DNAH7: variants seen among roughly 807,000 people sequenced by gnomAD.
The protein encoded by DNAH7 is dynein axonemal heavy chain 7, also known as axonemal beta dynein heavy chain 7.
DNAH7 carries 397 observed loss-of-function variants against 444.6 expected under a neutral mutation model. The ratio of observed to expected loss-of-function variants is 0.89; its 90% CI spans 0.82 to 0.97. DNAH7 has a LOEUF of 0.97. DNAH7 is among the 50% of genes least tolerant of loss of function. The probability of loss-of-function intolerance (pLI) is 0.00; values close to 1 mark genes in which losing one functional copy is unlikely to be tolerated. For synonymous variants in DNAH7, 1,636 were observed against 1,624.4 expected, an observed-to-expected ratio of 1.01 and a Z score of -0.17; for missense variants, 4,902 against 4,800.8, an observed-to-expected ratio of 1.02 and a Z score of -0.62.
chr2:195,753,468 A>G (rs1299070038), intron 63 of DNAH7, among the ~76,000 whole-genome samples: 1 of 152,234 alleles, frequency 6.6e-6, no homozygotes, highest in African/African-American at 2.4e-5. Context: ...CCACCACAGT[A>G]TAAATTAGTT....
intron 20 of DNAH7, among the ~76,000 whole-genome samples, chr2:195,935,367 A>G (rs1489800): frequency 0.3 from 45,371 of 152,076 alleles, 9,495 homozygotes; most frequent in African/African-American, 0.59. Flanking sequence ...TTTCAAATGG[A>G]CAAAAAGAAG....
intron 63 of DNAH7, among the ~76,000 whole-genome samples, chr2:195,751,941 G>A (rs764804071): frequency 3.1e-4 from 47 of 152,132 alleles, no homozygotes; most frequent in Non-Finnish European, 4.6e-4. Flanking sequence ...TGACAGTAGG[G>A]AGACAGGATA....
chr2:195,991,456 A>G (rs1574967231), intron 12 of DNAH7, among the ~76,000 whole-genome samples: 1 of 152,366 alleles, frequency 6.6e-6, no homozygotes, highest in East Asian at 1.9e-4. Flanking sequence ...AAAAGTGAAA[A>G]CAAGAACCAC....
chr2:195,923,838 C>A (rs1289694410), intron 22 of DNAH7, 31 bp from the exon 23 acceptor site: 1 of 1,586,426 alleles, frequency 6.3e-7, no homozygotes, highest in African/African-American at 1.3e-5. Flanking sequence ...ATATGATTTC[C>A]CAATGTGATC....
intron 5 of DNAH7, among the ~76,000 whole-genome samples, chr2:196,035,219 GA>G (rs1434154761): frequency 6.6e-6 from 1 of 152,046 alleles, no homozygotes; most frequent in African/African-American, 2.4e-5. Context: ...GAAAATACAG[GA>G]GGAAATCTTT....
chr2:195,756,064 T>A, intron 62 of DNAH7, 69 bp downstream of exon 62: 1 of 1,496,638 alleles, frequency 6.7e-7, no homozygotes. Context: ...CTCATTACAT[T>A]AAGCATTCTG....
intron 15 of DNAH7, among the ~76,000 whole-genome samples, chr2:195,973,022 C>T (rs140958381): frequency 1.3e-5 from 2 of 152,288 alleles, no homozygotes; most frequent in East Asian, 3.9e-4. Flanking sequence ...AGGGTAGTTC[C>T]CGTATCTTGG....
In DNAH7 at chr2:195,957,456, C is replaced by A; in HGVS notation, c.2892-9G>T. 1 of 1,515,532 alleles carries A rather than the reference C, an allele frequency of 6.6e-7. No homozygotes were observed. The highest frequency in any genetic ancestry group is 8.9e-7 in the Non-Finnish European group (1 of 1,119,480). The allele number at this position is 1,515,532 out of a possible 1,614,324, so 93.9% of individuals were successfully genotyped here. ...GCTTGCCCTCCCATTCTCTGAGGAG[C>A]AAAACACAGTGGCTCTTACTGACAG... On this transcript the variant is annotated splice_polypyrimidine_tract_variant and intron_variant, in intron 18 of 64. Coordinates refer to ENST00000312428, the MANE Select transcript of DNAH7 (RefSeq NM_018897.3).
Position 196,026,824 on chromosome 2 carries a change from G to A in DNAH7, c.603C>T (p.Asp201=), listed in dbSNP as rs1695718612. 3 of 1,612,550 alleles carry A rather than the reference G, an allele frequency of 1.9e-6. No homozygotes were observed. The highest frequency in any genetic ancestry group is 2.7e-5 in the African/African-American group (2 of 74,890). ...TTTCATCAGATAATGTAACTATGCT[G>A]TCAGTGAAGACTTTCAGATGTTGTG... ...LVPQHLKVFT[D]SIVTLSDEMR... Residue 201 remains aspartate, a synonymous_variant, in exon 7 of 65, where the codon GAC becomes GAT. Transcript: ENST00000312428.
Position 195,888,156 on chromosome 2 carries a change from A to G in DNAH7, c.5406+102T>C, listed in dbSNP as rs530742469. On this transcript the variant is annotated intron_variant, in intron 33 of 64. Transcript: ENST00000312428. ...ATTTAATCAAAAAGGTTTTGATTTA[A>G]TATCTCTTAGCTGATAATAAAAACA... 1.5e-5 allele frequency: 14 copies of G among 943,886 alleles called. No individual in the cohort carries two copies. In the East Asian group the frequency reaches 1.8e-4, roughly 12 times the overall value. The allele number at this position is 943,886 out of a possible 1,614,324, so 58.5% of individuals were successfully genotyped here.
chr2:196,029,995 G>T (rs1184002410), intron 5 of DNAH7, among the ~76,000 whole-genome samples: 1 of 152,050 alleles, frequency 6.6e-6, no homozygotes, highest in African/African-American at 2.4e-5. Flanking sequence ...GAAACTAGAA[G>T]AAAAGTCATC....
intron 19 of DNAH7, among the ~76,000 whole-genome samples, chr2:195,949,661 G>C (rs996446747): frequency 3.9e-5 from 6 of 152,130 alleles, no homozygotes; most frequent in African/African-American, 1.4e-4. Context: ...TGGTGAGAGA[G>C]GGCATCTTTG....
At chr2:195,896,090 G>A (rs1702290287) in intron 29 of DNAH7, among the ~76,000 whole-genome samples, 1 of 152,192 alleles carries the variant, frequency 6.6e-6, no homozygotes, top group African/African-American at 2.4e-5. Flanking sequence ...GGAATAACCT[G>A]AATATGGTGG....
chr2:195,764,838 C>T (rs1327804676), intron 61 of DNAH7, among the ~76,000 whole-genome samples: 1 of 151,566 alleles, frequency 6.6e-6, no homozygotes, highest in East Asian at 1.9e-4. Flanking sequence ...CAGTGCAACC[C>T]CCATCAAAAT....
chr2:195,835,555 T>C (rs983816104), intron 47 of DNAH7, among the ~76,000 whole-genome samples: 17 of 152,100 alleles, frequency 1.1e-4, no homozygotes, highest in African/African-American at 4.1e-4. Flanking sequence ...GTATAAAACA[T>C]GTAGCTTAGG....
At chr2:195,815,104 G>T (rs1014854615) in intron 51 of DNAH7, among the ~76,000 whole-genome samples, 7 of 151,250 alleles carry the variant, frequency 4.6e-5, no homozygotes, top group Non-Finnish European at 1.0e-4. Context: ...ATGAAAACCA[G>T]ACATGCATGT....
intron 48 of DNAH7, among the ~76,000 whole-genome samples, chr2:195,830,070 G>A (rs946018127): frequency 6.6e-6 from 1 of 152,008 alleles, no homozygotes. Context: ...CTTTTAATTA[G>A]ATCAAAATAT....
intron 25 of DNAH7, among the ~76,000 whole-genome samples, chr2:195,909,124 A>G (rs537315225): frequency 1.9e-4 from 29 of 152,116 alleles, no homozygotes; most frequent in African/African-American, 6.7e-4. Context: ...AAAACTACCT[A>G]TTGGCTATTA....
chr2:195,846,864 G>A (rs1202967040), intron 46 of DNAH7, among the ~76,000 whole-genome samples: 1 of 151,878 alleles, frequency 6.6e-6, no homozygotes, highest in Non-Finnish European at 1.5e-5. Context: ...AACTCAGACT[G>A]GCTTTCTTGC....
Sources: allele counts gnomAD v4.1 joint callset (sites outside exome capture counted in the v4.1 genomes callset), GRCh38; gene constraint gnomAD v4.1.1; transcripts MANE v1.5; gene names NCBI Gene and HGNC (gene_info 2026-07-23, HGNC 2026-07-21).